RBFOX1: variants seen among roughly 807,000 people sequenced by gnomAD.
RBFOX1 encodes RNA binding fox-1 homolog 1.
Under a neutral mutation model 57.7 loss-of-function variants are expected in RBFOX1, and 8 were observed. The ratio of observed to expected loss-of-function variants is 0.14; its 90% CI spans 0.08 to 0.25. RBFOX1 has a LOEUF of 0.25. RBFOX1 is among the 10% of genes least tolerant of loss of function. The pLI, the probability that RBFOX1 is intolerant of heterozygous loss-of-function variation, is 1.00. For synonymous variants in RBFOX1, 326 were observed against 222.4 expected, an observed-to-expected ratio of 1.47 and a Z score of -4.15; for missense variants, 611 against 548.5, an observed-to-expected ratio of 1.11 and a Z score of -1.14.
intron 2 of RBFOX1, among the ~76,000 whole-genome samples, chr16:6,360,324 T>A (rs747701016): frequency 2.0e-4 from 31 of 152,142 alleles, no homozygotes; most frequent in Non-Finnish European, 3.7e-4. Flanking sequence ...AAGAAAAACT[T>A]GGACTGTTAT....
intron 1 of RBFOX1, among the ~76,000 whole-genome samples, chr16:6,124,826 C>A (rs113854544): frequency 5.9e-4 from 90 of 152,230 alleles, no homozygotes; most frequent in Non-Finnish European, 1.0e-3. Flanking sequence ...CCGTGCCTGG[C>A]GCCAATTCAA....
chr16:7,506,800 T>C (rs115533425), intron 4 of RBFOX1, among the ~76,000 whole-genome samples: 2,883 of 138,142 alleles, frequency 0.021, 96 homozygotes, highest in African/African-American at 0.068. Flanking sequence ...TAATGAGGTA[T>C]GTGATCTGCC....
intron 4 of RBFOX1, among the ~76,000 whole-genome samples, chr16:7,243,204 C>G (rs900471180): frequency 6.6e-6 from 1 of 152,144 alleles, no homozygotes; most frequent in East Asian, 1.9e-4. Flanking sequence ...TGATCTCTTG[C>G]TACGTGCCAA....
intron 3 of RBFOX1, among the ~76,000 whole-genome samples, chr16:5,815,161 T>A (rs925604343): frequency 8.3e-5 from 12 of 144,666 alleles, no homozygotes; most frequent in East Asian, 6.1e-4. Context: ...ATTTAATTTT[T>A]TTTTTTTTTT....
chr16:7,410,671 C>G (rs541974347), intron 4 of RBFOX1, among the ~76,000 whole-genome samples: 9 of 145,182 alleles, frequency 6.2e-5, no homozygotes, highest in African/African-American at 2.2e-4. Flanking sequence ...GAGCAAAACT[C>G]TATCCCAAAA....
chr16:6,941,167 C>A (rs951564827), intron 3 of RBFOX1, among the ~76,000 whole-genome samples: 2 of 151,944 alleles, frequency 1.3e-5, no homozygotes, highest in African/African-American at 4.8e-5. Flanking sequence ...GGAAATCCAT[C>A]AGCAGACTCT....
chr16:6,698,513 C>T (rs77146471), intron 3 of RBFOX1, among the ~76,000 whole-genome samples: 1 of 152,100 alleles, frequency 6.6e-6, no homozygotes, highest in African/African-American at 2.4e-5. Flanking sequence ...CCCATGAGCG[C>T]TTAACTCTTT....
intron 1 of RBFOX1, among the ~76,000 whole-genome samples, chr16:6,163,112 G>C (rs1185810005): frequency 6.6e-6 from 1 of 152,170 alleles, no homozygotes; most frequent in East Asian, 1.9e-4. Context: ...TCACCCTTTA[G>C]ACACAGCACT....
chr16:5,635,432 A>G (rs2048652837), intron 3 of RBFOX1, among the ~76,000 whole-genome samples: 1 of 152,226 alleles, frequency 6.6e-6, no homozygotes, highest in Non-Finnish European at 1.5e-5. Flanking sequence ...CATGGAGTTA[A>G]GCTGAAAGTT....
At chr16:5,651,652 C>G (rs2049245041) in intron 3 of RBFOX1, among the ~76,000 whole-genome samples, 3 of 152,158 alleles carry the variant, frequency 2.0e-5, no homozygotes, top group African/African-American at 7.2e-5. Flanking sequence ...TGTGAATTCC[C>G]AGTGCCCATC....
intron 2 of RBFOX1, among the ~76,000 whole-genome samples, chr16:5,541,202 T>C (rs961269936): frequency 3.9e-5 from 6 of 152,134 alleles, no homozygotes; most frequent in Non-Finnish European, 8.8e-5. Flanking sequence ...ATGTTTAAGA[T>C]AAGAAGCCCT....
chr16:6,240,268 T>A (rs1694319137), intron 1 of RBFOX1, among the ~76,000 whole-genome samples: 1 of 152,162 alleles, frequency 6.6e-6, no homozygotes, highest in Admixed American at 6.6e-5. Flanking sequence ...CTCAGGTATT[T>A]CTTTATAGCA....
At chr16:5,725,407 C>G (rs2052106157) in intron 3 of RBFOX1, among the ~76,000 whole-genome samples, 1 of 152,078 alleles carries the variant, frequency 6.6e-6, no homozygotes, top group East Asian at 1.9e-4. Context: ...CTGCCCCCAG[C>G]TAATTGCTTT....
intron 3 of RBFOX1, among the ~76,000 whole-genome samples, chr16:5,635,795 G>C (rs903372793): frequency 7.4e-6 from 1 of 134,898 alleles, no homozygotes; most frequent in Non-Finnish European, 1.5e-5. Context: ...CTGTTGATTT[G>C]TAGCACTGGG....
intron 6 of RBFOX1, among the ~76,000 whole-genome samples, chr16:7,585,155 G>C (rs901292101): frequency 6.6e-6 from 1 of 152,150 alleles, no homozygotes; most frequent in Non-Finnish European, 1.5e-5. Context: ...CGTCTGTGGA[G>C]ACTGAATATT....
chr16:6,828,063 A>T (rs1269972084), intron 3 of RBFOX1, among the ~76,000 whole-genome samples: 2 of 152,154 alleles, frequency 1.3e-5, no homozygotes, highest in Admixed American at 6.5e-5. Flanking sequence ...AATGATTAAA[A>T]GCCTCTAAGA....
chr16:5,879,100 G>A (rs1177727645), intron 4 of RBFOX1, among the ~76,000 whole-genome samples: 3 of 152,188 alleles, frequency 2.0e-5, no homozygotes, highest in Admixed American at 6.5e-5. Flanking sequence ...TAGATACTGG[G>A]AGATCCTTGC....
At chr16:5,304,234 C>A (rs540696329) in intron 1 of RBFOX1, among the ~76,000 whole-genome samples, 2 of 152,192 alleles carry the variant, frequency 1.3e-5, no homozygotes, top group Non-Finnish European at 2.9e-5. Flanking sequence ...AGCTCCTGTG[C>A]AGTAGAATTT....
chr16:6,046,509 C>T (rs1423497775), intron 1 of RBFOX1, among the ~76,000 whole-genome samples: 1 of 152,080 alleles, frequency 6.6e-6, no homozygotes, highest in Non-Finnish European at 1.5e-5. Context: ...GGGAAGAATT[C>T]AGGTCTAAAA....
Sources: allele counts gnomAD v4.1 joint callset (sites outside exome capture counted in the v4.1 genomes callset), GRCh38; gene constraint gnomAD v4.1.1; transcripts MANE v1.5; gene names NCBI Gene and HGNC (gene_info 2026-07-23, HGNC 2026-07-21).